Variants in CNTNAP4 observed in about 807,000 individuals in gnomAD.
CNTNAP4 encodes the protein contactin-associated protein-like 4.
A neutral mutation model predicts 148.4 loss-of-function variants in CNTNAP4; 98 were observed. The ratio of observed to expected loss-of-function variants is 0.66; its 90% CI spans 0.56 to 0.78. CNTNAP4 has a LOEUF of 0.78. CNTNAP4 is among the 30% of genes least tolerant of loss of function. The pLI, the probability that CNTNAP4 is intolerant of heterozygous loss-of-function variation, is 0.00. For synonymous variants in CNTNAP4, 730 were observed against 565.1 expected (o/e 1.29, Z -4.14); for missense variants, 1,935 against 1,565.6 (o/e 1.24, Z -3.98).
chr16:76,494,081 A>G (rs2082318712), intron 13 of CNTNAP4, among the ~76,000 whole-genome samples: 1 of 61,508 alleles, frequency 1.6e-5, no homozygotes, highest in Non-Finnish European at 4.2e-5. Context: ...TTTTTCCTCC[A>G]TACTTTTTTT....
At chr16:76,486,338 T>C (rs992914006) in intron 12 of CNTNAP4, among the ~76,000 whole-genome samples, 2 of 152,074 alleles carry the variant, frequency 1.3e-5, no homozygotes, top group African/African-American at 4.8e-5. Flanking sequence ...AATGAAGAAA[T>C]TGGAAAGATA....
At chr16:76,444,988 C>T (rs2080185977) in intron 4 of CNTNAP4, among the ~76,000 whole-genome samples, 1 of 152,132 alleles carries the variant, frequency 6.6e-6, no homozygotes, top group Non-Finnish European at 1.5e-5. Flanking sequence ...CAACCTCACT[C>T]CTACTCTGAG....
At chr16:76,494,286 T>G (rs559844942) in intron 13 of CNTNAP4, among the ~76,000 whole-genome samples, 1 of 152,140 alleles carries the variant, frequency 6.6e-6, no homozygotes, top group Non-Finnish European at 1.5e-5. Flanking sequence ...TAATATTCGC[T>G]TCCAGCATGA....
At chr16:76,495,596 C>T (rs2143837965) in intron 14 of CNTNAP4, among the ~76,000 whole-genome samples, 1 of 146,038 alleles carries the variant, frequency 6.8e-6, no homozygotes, top group East Asian at 2.1e-4. Flanking sequence ...TTAAAATATT[C>T]CTCTAAGCAG....
intron 1 of CNTNAP4, chr16:76,309,837 C>T (rs1045978127): frequency 5.7e-6 from 4 of 700,252 alleles, no homozygotes; most frequent in Non-Finnish European, 1.0e-5. Flanking sequence ...CAGGGGTTTC[C>T]GCTTTTGCTG....
At chr16:76,395,995 C>G (rs145361264) in intron 3 of CNTNAP4, among the ~76,000 whole-genome samples, 5 of 152,068 alleles carry the variant, frequency 3.3e-5, no homozygotes, top group East Asian at 1.9e-4. Flanking sequence ...TCCCAAAATG[C>G]GAGGATTACA....
At position 76,397,004 on chromosome 16, in the gene CNTNAP4, C is replaced by G. The variant is rs78939595; in HGVS notation, c.391-30448C>G. 6.5e-3 allele frequency among the ~76,000 whole-genome samples: 987 copies of G among 152,246 alleles called. 8 individuals are homozygous for G. Among genetic ancestry groups the G allele is most frequent in the African/African-American group, 0.022 (931 of 41,542 alleles). On this transcript the variant is annotated intron_variant, in intron 3 of 23. Coordinates refer to ENST00000611870, the MANE Select transcript of CNTNAP4 (RefSeq NM_033401.5). ...CAGAGAGACTTATGGAACTCGATCA[C>G]TTGGGACTTAAGCAATGGAGAGGAA...
chr16:76,428,033 C>G (rs147986637), intron 4 of CNTNAP4, among the ~76,000 whole-genome samples: 3 of 152,190 alleles, frequency 2.0e-5, no homozygotes, highest in African/African-American at 7.2e-5. Context: ...AGCCTAAAAA[C>G]AATATCATGC....
chr16:76,314,463 A>G (rs1597160233), intron 1 of CNTNAP4, among the ~76,000 whole-genome samples: 1 of 152,234 alleles, frequency 6.6e-6, no homozygotes, highest in African/African-American at 2.4e-5. Flanking sequence ...GTATACACAC[A>G]TATGTATAGG....
intron 23 of CNTNAP4, among the ~76,000 whole-genome samples, chr16:76,554,724 A>T (rs2085118680): frequency 6.6e-6 from 1 of 151,940 alleles, no homozygotes; most frequent in African/African-American, 2.4e-5. Context: ...AGGGAGATAC[A>T]ATTTTAAAGT....
At chr16:76,310,715 T>A (rs1207996769) in intron 1 of CNTNAP4, among the ~76,000 whole-genome samples, 1 of 152,226 alleles carries the variant, frequency 6.6e-6, no homozygotes, top group Non-Finnish European at 1.5e-5. Flanking sequence ...GGCATGCAAC[T>A]AATTTTGGCA....
intron 1 of CNTNAP4, among the ~76,000 whole-genome samples, chr16:76,312,915 T>A (rs899820561): frequency 4.6e-5 from 7 of 152,214 alleles, no homozygotes; most frequent in African/African-American, 1.7e-4. Flanking sequence ...TTAGTTATTA[T>A]TAGTTCTGTA....
chr16:76,507,326 A>C (rs1335355274), intron 15 of CNTNAP4, among the ~76,000 whole-genome samples: 7 of 97,154 alleles, frequency 7.2e-5, no homozygotes, highest in African/African-American at 1.8e-4. Flanking sequence ...ATTCTTTCTA[A>C]CTATTTTTCT....
At position 76,347,241 on chromosome 16, in the gene CNTNAP4, G is replaced by A. The variant is rs9932352; in HGVS notation, c.197-8077G>A. On this transcript the variant is annotated intron_variant, in intron 2 of 23. Coordinates refer to ENST00000611870, the MANE Select transcript of CNTNAP4 (RefSeq NM_033401.5). ...CGTGCATCAAAGAACAGTATTCTGTGCCTTCAGTTTGGGTACAGTTCCAGC... is the reference window on the plus strand; with the variant it reads ...CGTGCATCAAAGAACAGTATTCTGTACCTTCAGTTTGGGTACAGTTCCAGC... 9.3e-3 allele frequency among the ~76,000 whole-genome samples: 1,417 copies of A among 152,048 alleles called. 20 individuals carry two copies. Among genetic ancestry groups the A allele is most frequent in the African/African-American group, 0.032 (1,327 of 41,464 alleles).
intron 17 of CNTNAP4, among the ~76,000 whole-genome samples, chr16:76,529,651 T>C (rs2083886996): frequency 6.6e-6 from 1 of 152,232 alleles, no homozygotes; most frequent in African/African-American, 2.4e-5. Context: ...TTCAGTACTT[T>C]GTGACTCTCA....
chr16:76,491,024 CGTT>C (rs2082199739), intron 13 of CNTNAP4, among the ~76,000 whole-genome samples: 1 of 152,006 alleles, frequency 6.6e-6, no homozygotes, highest in African/African-American at 2.4e-5. Flanking sequence ...GCTGAACTGT[CGTT>C]CTGACATTTG....
chr16:76,446,475 C>T (rs1055439457), intron 4 of CNTNAP4, among the ~76,000 whole-genome samples: 1 of 152,040 alleles, frequency 6.6e-6, no homozygotes, highest in African/African-American at 2.4e-5. Context: ...TGTTCAGGTG[C>T]AACTGATTTT....
chr16:76,449,195 G>A (rs1290854833), intron 6 of CNTNAP4, among the ~76,000 whole-genome samples: 1 of 152,020 alleles, frequency 6.6e-6, no homozygotes, highest in Non-Finnish European at 1.5e-5. Context: ...AAAATATGTA[G>A]TCACAGAACA....
intron 2 of CNTNAP4, among the ~76,000 whole-genome samples, chr16:76,331,486 C>T (rs1963521444): frequency 6.6e-6 from 1 of 150,550 alleles, no homozygotes; most frequent in Non-Finnish European, 1.5e-5. Flanking sequence ...CCACGGCCGG[C>T]CTGTTTTTTC....
Sources: allele counts gnomAD v4.1 joint callset (sites outside exome capture counted in the v4.1 genomes callset), GRCh38; gene constraint gnomAD v4.1.1; transcripts MANE v1.5; gene names NCBI Gene and HGNC (gene_info 2026-07-23, HGNC 2026-07-21).